Variants in TENM3 observed in about 807,000 individuals in gnomAD.
The protein encoded by TENM3 is teneurin-3.
In TENM3, 63 loss-of-function variants were observed where a neutral mutation model predicts 255.1. The ratio of observed to expected loss-of-function variants is 0.25; its 90% CI spans 0.20 to 0.30. The LOEUF is 0.30. TENM3 is among the 10% of genes least tolerant of loss of function. The pLI, the probability that TENM3 is intolerant of heterozygous loss-of-function variation, is 1.00. For synonymous variants in TENM3, 1,306 were observed against 1,322.3 expected (o/e 0.99, Z 0.27); for missense variants, 2,929 against 3,461.1 (o/e 0.85, Z 3.86).
chr4:182,779,328 G>A (rs538178234), intron 24 of TENM3, among the ~76,000 whole-genome samples: 98 of 151,952 alleles, frequency 6.4e-4, no homozygotes, highest in Admixed American at 1.1e-3. Context: ...TTGTACTTGC[G>A]ATAGTTTACT....
At chr4:181,475,050 A>G in the TENM3 span, among the ~76,000 whole-genome samples, 1 of 152,332 alleles carries the variant, frequency 6.6e-6, no homozygotes, top group South Asian at 2.1e-4. Flanking sequence ...CCGGAGATCT[A>G]TTTTATAAGA....
At chr4:181,848,931 G>A in the TENM3 span, among the ~76,000 whole-genome samples, 1 of 151,538 alleles carries the variant, frequency 6.6e-6, no homozygotes, top group East Asian at 1.9e-4. Context: ...TTTAGGGATT[G>A]TTTGAGTTGA....
intron 3 of TENM3, among the ~76,000 whole-genome samples, chr4:182,463,106 A>G (rs1169555997): frequency 6.6e-6 from 1 of 152,098 alleles, no homozygotes; most frequent in Non-Finnish European, 1.5e-5. Context: ...CCTCGTGTAC[A>G]TGGTCCCAGC....
chr4:181,860,193 G>A, the TENM3 span, among the ~76,000 whole-genome samples: 9 of 152,274 alleles, frequency 5.9e-5, no homozygotes, highest in East Asian at 9.6e-4. Flanking sequence ...GAATTCTCCC[G>A]GTTAATGTCG....
the TENM3 span, among the ~76,000 whole-genome samples, chr4:181,706,265 T>A: frequency 6.6e-6 from 1 of 152,118 alleles, no homozygotes; most frequent in Non-Finnish European, 1.5e-5. Flanking sequence ...CCCAGTGAGC[T>A]CATTTTCACT....
chr4:181,606,044 C>G, the TENM3 span, among the ~76,000 whole-genome samples: 1 of 152,108 alleles, frequency 6.6e-6, no homozygotes, highest in Non-Finnish European at 1.5e-5. Flanking sequence ...TAAATGAGTA[C>G]CCATCCAGAT....
intron 16 of TENM3, among the ~76,000 whole-genome samples, chr4:182,731,475 A>C (rs1318128437): frequency 6.6e-6 from 1 of 152,054 alleles, no homozygotes; most frequent in Admixed American, 6.5e-5. Context: ...ACACTACTGC[A>C]CTCCAGCCTG....
chr4:182,157,437 G>A (rs1259653861), intron 1 of TENM3, among the ~76,000 whole-genome samples: 1 of 152,166 alleles, frequency 6.6e-6, no homozygotes, highest in Admixed American at 6.5e-5. Flanking sequence ...GTTCTCAGTA[G>A]AGCCTCAGCT....
At position 182,161,912 on chromosome 4, in the gene TENM3, CAT is replaced by C. The variant is rs1309874099; in HGVS notation, c.-76+17159_-76+17160del. On this transcript the variant is annotated intron_variant, in intron 1 of 2. Coordinates refer to the TENM3 transcript ENST00000512480. ...ACATATATGTGTATATATACACACA[CAT>C]GTATGTGTATATATATACACATATA... Among the ~76,000 whole-genome samples the C allele has an allele frequency of 6.2e-4, 4 of 6,406 alleles. 2 individuals are homozygous for C. Among genetic ancestry groups the C allele is most frequent in the Non-Finnish European group, 8.7e-4 (2 of 2,306 alleles). 4.2% of individuals were successfully genotyped at this position (6,406 alleles called of 152,430 possible).
chr4:181,967,992 C>A, the TENM3 span, among the ~76,000 whole-genome samples: 1 of 152,156 alleles, frequency 6.6e-6, no homozygotes. Flanking sequence ...CCTCACTGAT[C>A]TCTTCACAGG....
chr4:181,956,916 A>G, the TENM3 span, among the ~76,000 whole-genome samples: 3 of 152,228 alleles, frequency 2.0e-5, no homozygotes, highest in South Asian at 2.1e-4. Flanking sequence ...TATGTTAGTA[A>G]GGAGAGCTAC....
At chr4:182,368,986 C>A (rs1043967117) in intron 3 of TENM3, among the ~76,000 whole-genome samples, 2 of 152,192 alleles carry the variant, frequency 1.3e-5, no homozygotes, top group African/African-American at 4.8e-5. Flanking sequence ...AACATCGTTC[C>A]CTCATGAAAC....
intron 1 of TENM3, among the ~76,000 whole-genome samples, chr4:182,196,882 A>C (rs1454460426): frequency 7.9e-5 from 12 of 152,160 alleles, no homozygotes; most frequent in Admixed American, 7.9e-4. Context: ...GAATTCCTGC[A>C]CTGGTCCTTC....
At chr4:182,239,290 C>T (rs1451093131), upstream of TENM3, among the ~76,000 whole-genome samples, 2 of 151,996 alleles carry the variant, frequency 1.3e-5, no homozygotes, top group African/African-American at 2.4e-5. Flanking sequence ...GTTGGCCAGG[C>T]TGGTCTTGAA....
At chr4:182,766,389 AAGAC>A (rs1763722421) in intron 22 of TENM3, among the ~76,000 whole-genome samples, 2 of 152,278 alleles carry the variant, frequency 1.3e-5, no homozygotes, top group Non-Finnish European at 2.9e-5. Flanking sequence ...AGAAAAAAAA[AAGAC>A]AGACTGTCTT....
the TENM3 span, among the ~76,000 whole-genome samples, chr4:182,105,181 C>G: frequency 6.6e-6 from 1 of 152,110 alleles, no homozygotes; most frequent in African/African-American, 2.4e-5. Context: ...CCACTGCACT[C>G]CAGGCTCAGC....
chr4:182,564,676 G>A (rs1259238589), intron 3 of TENM3, among the ~76,000 whole-genome samples: 1 of 150,550 alleles, frequency 6.6e-6, no homozygotes, highest in East Asian at 2.0e-4. Flanking sequence ...GTTAATGAAT[G>A]GCTAAAGTGC....
intron 7 of TENM3, among the ~76,000 whole-genome samples, chr4:182,679,079 G>A (rs1050438259): frequency 5.3e-5 from 8 of 152,132 alleles, no homozygotes; most frequent in Non-Finnish European, 8.8e-5. Flanking sequence ...GGCTAGGGGA[G>A]GGATAGCATT....
the TENM3 span, among the ~76,000 whole-genome samples, chr4:181,765,554 A>C: frequency 6.6e-6 from 1 of 152,238 alleles, no homozygotes; most frequent in East Asian, 1.9e-4. Flanking sequence ...AGATGACCTC[A>C]CAAATGTTGA....
Sources: gnomAD v4.1 joint callset for allele counts (sites outside exome capture counted in the v4.1 genomes callset) on GRCh38, gnomAD v4.1.1 for gene constraint, MANE v1.5 for transcripts, NCBI Gene and HGNC (gene_info 2026-07-23, HGNC 2026-07-21) for gene names.